CLK3: variants seen among roughly 807,000 people sequenced by gnomAD.
CLK3 encodes the protein CDC like kinase 3.
A neutral mutation model predicts 65.2 loss-of-function variants in CLK3; 24 were observed. The ratio of observed to expected loss-of-function variants is 0.37; its 90% confidence interval spans 0.27 to 0.52. The LOEUF (loss-of-function observed/expected upper bound fraction) is 0.52, where lower values mean the gene tolerates loss of function less well. Ranked by LOEUF, CLK3 falls within the 20% of genes least tolerant of loss-of-function variation. The pLI is 0.92. For missense variants in CLK3, 506 were observed against 660.0 expected (o/e 0.77, Z 2.56); for synonymous variants, 252 against 240.8 (o/e 1.05, Z -0.43).
chr15:74,624,751 C>G lies in CLK3; in HGVS notation c.534-151C>G. The stretch of plus-strand genomic sequence containing the variant: ...TTGGGTGGGCAAAGGTCTGGTGTTG[C>G]ATGGGGCAGGCTGGGCATCCAGTAT... On this transcript the variant is annotated intron_variant, in intron 5 of 12. Coordinates refer to ENST00000395066, the MANE Select transcript of CLK3 (RefSeq NM_001130028.2). This position sits in a 1 kb window ranked among gnomAD's most constrained non-coding sequence, Gnocchi z 4.2. The G allele has an allele frequency of 1.6e-6, 1 of 638,454 alleles. No homozygotes were observed. The highest frequency in any genetic ancestry group is 2.9e-6 in the Non-Finnish European group (1 of 346,212). 39.5% of individuals were successfully genotyped at this position (638,454 alleles called of 1,614,324 possible).
At position 74,627,225 on chromosome 15, in the gene CLK3, C is replaced by T; in HGVS notation, c.818-127C>T. ...AGCACAGAGGCAGGCTGTAGTCCAG[C>T]TCCCTGCTGAGGTGGGGGTGTGAGG... is the stretch of plus-strand genomic sequence containing the variant. On this transcript the variant is annotated intron_variant, in intron 7 of 12. Transcript: ENST00000395066. The surrounding 1 kb of genome is among the most constrained non-coding windows in gnomAD (Gnocchi z 4.3). The T allele has an allele frequency of 1.3e-6, 1 of 781,150 alleles. No homozygotes were observed. Among genetic ancestry groups the T allele is most frequent in the Non-Finnish European group, 2.3e-6 (1 of 437,340 alleles). The allele number at this position is 781,150 out of a possible 1,614,324, so 48.4% of individuals were successfully genotyped here.
rs1429799732 is a variant in CLK3 at position 74,620,167 on chromosome 15, G to A, written c.311G>A (p.Arg104His). 5.0e-6 allele frequency: 8 copies of A among 1,613,936 alleles called. No homozygotes were observed. Among genetic ancestry groups the A allele is most frequent in the Middle Eastern group, 3.3e-4 (2 of 6,084 alleles). Residue 104 changes from arginine to histidine, a missense_variant, in exon 3 of 13, where the codon CGC becomes CAC. By Grantham distance (29) the Arg-to-His change is conservative. Coordinates refer to ENST00000395066, the MANE Select transcript of CLK3 (RefSeq NM_001130028.2). Reference protein sequence around the residue: ...RSRERGPYRTRKHAHHCHKRR... With the variant: ...RSRERGPYRTHKHAHHCHKRR... ...CGGGAGAGGGGGCCATACCGGACCCGCAAGCATGCCCACCACTGCCACAAA... is the reference window on the plus strand; with the variant it reads ...CGGGAGAGGGGGCCATACCGGACCCACAAGCATGCCCACCACTGCCACAAA...
In CLK3 at chr15:74,627,444, A is replaced by G; in HGVS notation, c.910A>G (p.Lys304Glu). ...GTTTGAAACCCTCTACAATGAGCAC[A>G]AGGTATTGGTGGGGGTAAGGGTGAG... ...SEFETLYNEHKSCEEKSVKNT... is the reference protein window; with the variant it reads ...SEFETLYNEHESCEEKSVKNT... Residue 304 changes from lysine (K) to glutamate (E), a missense_variant and splice_region_variant, in exon 8 of 13, where the codon AAG (lysine) becomes GAG (glutamate). Around this residue, in one of 2 missense-constraint regions of CLK3, gnomAD observed 325 missense variants for 500.5 expected, o/e 0.65. Coordinates refer to ENST00000395066, the MANE Select transcript of CLK3 (RefSeq NM_001130028.2). The surrounding 1 kb of genome is among the most constrained non-coding windows in gnomAD (Gnocchi z 4.3). 1 of 1,614,048 alleles carries G rather than the reference A, an allele frequency of 6.2e-7. No homozygotes were observed. The highest frequency in any genetic ancestry group is 1.1e-5 in the South Asian group (1 of 91,074).
rs371439175 is a variant in CLK3, at chr15:74,616,152, A to G, written c.-1+254A>G. Among the ~76,000 whole-genome samples the G allele has an allele frequency of 6.1e-4, 93 of 152,334 alleles. 1 individual carries two copies. The highest frequency in any genetic ancestry group is 1.0e-3 in the Admixed American group (16 of 15,314). On this transcript the variant is annotated intron_variant, in intron 1 of 12. Transcript: ENST00000395066. ...GGCCTCTGGGGCCGCTCAAGGGTCC[A>G]GTTTGGGCTCTGTGCCTGCCCGCGG...
chr15:74,619,068 C>T (rs2062081288), intron 1 of CLK3, 129 bp from the exon 2 acceptor site: 2 of 1,096,510 alleles, frequency 1.8e-6, no homozygotes, highest in Non-Finnish European at 2.7e-6. Flanking sequence ...ACTTCATAAA[C>T]CTCTGGGAGG....
At chr15:74,628,728 C>T (rs770034636) in intron 11 of CLK3, 45 bp downstream of exon 11, 13 of 1,492,620 alleles carry the variant, frequency 8.7e-6, no homozygotes, top group East Asian at 2.3e-5. Flanking sequence ...AGAGGCCTTT[C>T]TCTTCTTGGC....
At chr15:74,610,832 G>T (rs921723217) in intron 1 of CLK3, among the ~76,000 whole-genome samples, 1 of 152,242 alleles carries the variant, frequency 6.6e-6, no homozygotes, top group African/African-American at 2.4e-5. Flanking sequence ...GGCTCCAGGT[G>T]GGCCAGCTGT....
In CLK3 at chr15:74,624,826, G is replaced by C; in HGVS notation, c.534-76G>C. 1 of 1,052,766 alleles carries C rather than the reference G, an allele frequency of 9.5e-7. No homozygotes were observed. The highest frequency in any genetic ancestry group is 1.3e-5 in the South Asian group (1 of 74,674). The allele number at this position is 1,052,766 out of a possible 1,614,324, so 65.2% of individuals were successfully genotyped here. ...CCTGGAGTGGTGTTTGTTGGGAGTT[G>C]CTGGGTTGGGGTGGAGGGTTGGGGA... is the stretch of plus-strand genomic sequence containing the variant. On this transcript the variant is annotated intron_variant, in intron 5 of 12. Coordinates refer to ENST00000395066, the MANE Select transcript of CLK3 (RefSeq NM_001130028.2). The surrounding 1 kb of genome is among the most constrained non-coding windows in gnomAD (Gnocchi z 4.2).
chr15:74,628,303 C>T (rs2062159977), intron 10 of CLK3, among the ~76,000 whole-genome samples: 1 of 144,888 alleles, frequency 6.9e-6, no homozygotes, highest in Non-Finnish European at 1.5e-5. Flanking sequence ...GGTGACCTGA[C>T]CTTCTAGATA....
chr15:74,623,435 C>T (rs966392082), intron 5 of CLK3, among the ~76,000 whole-genome samples: 4 of 152,244 alleles, frequency 2.6e-5, no homozygotes, highest in African/African-American at 4.8e-5. Flanking sequence ...GCCACCACTG[C>T]GCTGTAGTGC....
In CLK3 at chr15:74,620,064, T is replaced by A; in HGVS notation, c.208T>A (p.Tyr70Asn). ...CCGGGAGCGCCGTGACAGCGATACATACCGGTGTGAAGAGCGGAGCCCATC... is the reference window on the plus strand; with the variant it reads ...CCGGGAGCGCCGTGACAGCGATACAAACCGGTGTGAAGAGCGGAGCCCATC... Reference protein sequence around the residue: ...RYRERRDSDTYRCEERSPSFG... With the variant: ...RYRERRDSDTNRCEERSPSFG... Residue 70 changes from tyrosine to asparagine, a missense_variant, in exon 3 of 13, where the codon TAC becomes AAC. Coordinates refer to ENST00000395066, the MANE Select transcript of CLK3 (RefSeq NM_001130028.2). The A allele has an allele frequency of 6.2e-7, 1 of 1,614,158 alleles. No homozygotes were observed. Among genetic ancestry groups the A allele is most frequent in the Non-Finnish European group, 8.5e-7 (1 of 1,180,028 alleles).
chr15:74,625,078 C>T (rs2062133102), intron 6 of CLK3, 60 bp downstream of exon 6: 1 of 1,276,790 alleles, frequency 7.8e-7, no homozygotes, highest in Non-Finnish European at 1.1e-6. Context: ...CCCCCAGGGG[C>T]TTAGTAGTGT....
chr15:74,627,402 C>G lies in CLK3; in HGVS notation c.868C>G (p.Leu290Val). The change falls in exon 8 of 13, where the codon CTG (leucine) becomes GTG (valine). Residue 290 changes from leucine to valine, a missense_variant. Leu to Val is a conservative substitution (Grantham distance 32). This residue lies in a region of CLK3 where 325 missense variants were observed against 500.5 expected (regional missense o/e 0.65). Coordinates refer to ENST00000395066, the MANE Select transcript of CLK3 (RefSeq NM_001130028.2). The surrounding 1 kb of genome is among the most constrained non-coding windows in gnomAD (Gnocchi z 4.3). ...TACAGACTTGAAACCAGAGAACATCCTGTTTGTGAATTCTGAGTTTGAAAC... is the reference window on the plus strand; with the variant it reads ...TACAGACTTGAAACCAGAGAACATCGTGTTTGTGAATTCTGAGTTTGAAAC... ...THTDLKPENI[L>V]FVNSEFETLY... 1 of 1,614,188 alleles carries G rather than the reference C, an allele frequency of 6.2e-7. No homozygotes were observed.
intron 1 of CLK3, 187 bp from the exon 2 acceptor site, chr15:74,619,009 GT>G: frequency 1.6e-6 from 1 of 630,834 alleles, no homozygotes; most frequent in Non-Finnish European, 2.8e-6. Flanking sequence ...AGAGAAAGTT[GT>G]TTCCTATTGT....
upstream of CLK3, chr15:74,615,336 C>A (rs1167546798): frequency 6.9e-5 from 69 of 998,446 alleles, no homozygotes; most frequent in East Asian, 1.9e-3. Context: ...AAAACCCGCA[C>A]ACACCAAGAT....
At chr15:74,611,029 A>C (rs2061983073), upstream of CLK3, among the ~76,000 whole-genome samples, 1 of 152,112 alleles carries the variant, frequency 6.6e-6, no homozygotes, top group Non-Finnish European at 1.5e-5. Context: ...GAAGCTCTTC[A>C]GTCTATGGAG....
Position 74,619,990 on chromosome 15 carries a change from C to A in CLK3, c.153-19C>A. On this transcript the variant is annotated intron_variant, in intron 2 of 12. Coordinates refer to ENST00000395066, the MANE Select transcript of CLK3 (RefSeq NM_001130028.2). ...AGCAAGGACCCAGCTGACCAGCGTC[C>A]CCATCCCCCTTTTGGCAGCCATGAC... 6.2e-7 allele frequency: 1 copy of A among 1,613,864 alleles called. No homozygotes were observed. Among genetic ancestry groups the A allele is most frequent in the South Asian group, 1.1e-5 (1 of 91,070 alleles).
chr15:74,616,321 C>T (rs957760265), intron 1 of CLK3, among the ~76,000 whole-genome samples: 2 of 152,376 alleles, frequency 1.3e-5, no homozygotes, highest in Admixed American at 1.3e-4. Context: ...TCCCTCTGTC[C>T]CCGGGTCTCC....
Position 74,627,031 on chromosome 15 carries a change from CCTCG to C in CLK3, c.818-320_818-317del. The C allele has an allele frequency of 2.0e-6, 1 of 502,308 alleles. No homozygotes were observed. The highest frequency in any genetic ancestry group is 5.5e-5 in the East Asian group (1 of 18,228). The allele number at this position is 502,308 out of a possible 1,614,324, so 31.1% of individuals were successfully genotyped here. On this transcript the variant is annotated intron_variant, in intron 7 of 12. Transcript: ENST00000395066. This position sits in a 1 kb window ranked among gnomAD's most constrained non-coding sequence, Gnocchi z 4.3. ...AGCTGGTGCAGGGAAGAGGGAACCA[CCTCG>C]AGGCTGTTGCTGTAGCTCTGCTGAG... is the stretch of plus-strand genomic sequence containing the variant.
Sources: gnomAD v4.1 joint callset for allele counts (sites outside exome capture counted in the v4.1 genomes callset) on GRCh38, gnomAD v4.1.1 for gene constraint, gnomAD v4.1.1 regional missense constraint, Gnocchi (gnomAD v3.1) non-coding constraint, MANE v1.5 for transcripts, NCBI Gene and HGNC (gene_info 2026-07-23, HGNC 2026-07-21) for gene names.